The following ATP11C variants were observed in gnomAD, a reference collection of about 807,000 sequenced individuals.
The protein encoded by ATP11C is ATPase phospholipid transporting 11C (ATP11C blood group), also known as phospholipid-transporting ATPase IG.
Under a neutral mutation model 97.4 loss-of-function variants are expected in ATP11C, and 36 were observed. The observed-to-expected ratio is 0.37, with a 90% confidence interval of 0.28 to 0.49. The LOEUF (loss-of-function observed/expected upper bound fraction) is 0.49. Ranked by LOEUF, ATP11C falls within the 20% of genes least tolerant of loss-of-function variation. The pLI is 0.98. For synonymous variants in ATP11C, 275 were observed against 290.9 expected (o/e 0.95, Z 0.56); for missense variants, 730 against 824.6 (o/e 0.89, Z 1.40).
chrX:139,825,653 C>G (rs1173746300), intron 2 of ATP11C, among the ~76,000 whole-genome samples: 1 of 112,424 alleles, frequency 8.9e-6, no homozygotes, highest in African/African-American at 3.2e-5. Context: ...ATGATCACTA[C>G]TGTATCACCG....
chrX:139,833,170 G>A (rs1251610509), intron 1 of ATP11C, among the ~76,000 whole-genome samples: 2 of 111,982 alleles, frequency 1.8e-5, no homozygotes, highest in Non-Finnish European at 3.8e-5. Context: ...AATACAAGTT[G>A]GAGTGTGTCC....
At chrX:139,934,552 C>CTTTT (rs760781660), upstream of ATP11C, among the ~76,000 whole-genome samples, 2 of 93,717 alleles carry the variant, frequency 2.1e-5, no homozygotes, top group African/African-American at 4.0e-5. Context: ...CTAGCTTTAC[C>CTTTT]TTTTTTTTTT....
chrX:139,800,013 ACCCC>A, intron 8 of ATP11C, 43 bp downstream of exon 8: 3 of 397,110 alleles, frequency 7.6e-6, no homozygotes, highest in Non-Finnish European at 1.4e-5. Context: ...AGAAAAATAG[ACCCC>A]CCCCCCCAAC....
intron 14 of ATP11C, among the ~76,000 whole-genome samples, 172 bp from the exon 15 acceptor site, chrX:139,787,416 A>G (rs2082598198): frequency 9.1e-6 from 1 of 110,461 alleles, no homozygotes; most frequent in African/African-American, 3.3e-5. Context: ...TCCTGCCTCA[A>G]CCTCCTGAGT....
At chrX:139,765,166 C>A (rs769511421) in intron 20 of ATP11C, among the ~76,000 whole-genome samples, 2 of 111,073 alleles carry the variant, frequency 1.8e-5, no homozygotes, top group South Asian at 7.7e-4. Context: ...TAAACATGGA[C>A]TTTTTCACTC....
At chrX:139,902,246 T>A (rs765805704) in intron 1 of ATP11C, among the ~76,000 whole-genome samples, 15 of 111,520 alleles carry the variant, frequency 1.3e-4, no homozygotes, top group Admixed American at 8.6e-4. Context: ...TATTGATTGA[T>A]GTCTCAGGTC....
Position 139,787,231 on chromosome X carries a change from A to C in ATP11C, c.1534T>G (p.Phe512Val), listed in dbSNP as rs1160031262. The change falls in exon 15 of 30, where the codon TTT becomes GTT. Residue 512 changes from phenylalanine (F) to valine (V), a missense_variant. Transcript: ENST00000682941. ...VKGAKRYGFT[F>V]LGNRNGYMRV... is the part of the protein sequence containing the mutation. ...ATATATCCATTTCGATTTCCTAAAAATGTGAACCCGTACCTATCAAAAACA... is the reference window on the plus strand; with the variant it reads ...ATATATCCATTTCGATTTCCTAAAACTGTGAACCCGTACCTATCAAAAACA... 1.7e-6 allele frequency: 2 copies of C among 1,181,826 alleles called. No individual in the cohort carries two copies. Among genetic ancestry groups the C allele is most frequent in the African/African-American group, 3.5e-5 (2 of 56,641 alleles).
At chrX:139,743,073 C>G (rs1414960394) in intron 26 of ATP11C, among the ~76,000 whole-genome samples, 1 of 107,971 alleles carries the variant, frequency 9.3e-6, no homozygotes. Flanking sequence ...TCACTACTAC[C>G]AAGCTCTTTT....
intron 29 of ATP11C, among the ~76,000 whole-genome samples, chrX:139,730,902 G>A (rs1243983923): frequency 1.8e-5 from 2 of 111,244 alleles, no homozygotes; most frequent in Admixed American, 9.6e-5. Flanking sequence ...CTCCCACGGC[G>A]TATCAATTCC....
Position 139,832,281 on chromosome X carries a change from C to A in ATP11C, c.28-5458G>T, listed in dbSNP as rs1027587017. On this transcript the variant is annotated intron_variant, in intron 1 of 29. Coordinates refer to ENST00000682941, the MANE Select transcript of ATP11C (RefSeq NM_001353812.2). ...AGCAACTTGTACCAACCCCTGTGAT[C>A]CTTGTAAAGTTTCCCAGAACTTGGG... is the stretch of plus-strand genomic sequence containing the variant. 2.2e-5 allele frequency: 25 copies of A among 1,156,294 alleles called. No homozygotes were observed. The African/African-American group carries it at 4.0e-4, about 18-fold the overall frequency.
At chrX:139,740,687 G>T (rs757749776) in intron 27 of ATP11C, among the ~76,000 whole-genome samples, 1 of 111,171 alleles carries the variant, frequency 9.0e-6, no homozygotes, top group Non-Finnish European at 1.9e-5. Flanking sequence ...TGAAAATCAC[G>T]AGAGGTTGTG....
intron 18 of ATP11C, among the ~76,000 whole-genome samples, chrX:139,780,379 T>C (rs187688903): frequency 3.6e-5 from 4 of 111,343 alleles, no homozygotes; most frequent in Admixed American, 1.9e-4. Context: ...ATTCCTGGGA[T>C]GCAAGGACGG....
At chrX:139,756,173 AACAG>A (rs1169028014) in intron 23 of ATP11C, among the ~76,000 whole-genome samples, 8 of 112,429 alleles carry the variant, frequency 7.1e-5, no homozygotes, top group African/African-American at 2.6e-4. Flanking sequence ...AAAGGACACG[AACAG>A]ACACTTTTCA....
At chrX:139,730,563 T>C (rs1165001765) in intron 29 of ATP11C, among the ~76,000 whole-genome samples, 1 of 111,259 alleles carries the variant, frequency 9.0e-6, no homozygotes, top group African/African-American at 3.3e-5. Context: ...TCCATTAATT[T>C]AACTTGTATT....
Position 139,796,441 on chromosome X carries a change from T to C in ATP11C, c.1038A>G (p.Ser346=), listed in dbSNP as rs1401645950. 14 of 1,192,793 alleles carry C rather than the reference T, an allele frequency of 1.2e-5. No individual in the cohort carries two copies. The highest frequency in any genetic ancestry group is 1.6e-5 in the Non-Finnish European group (14 of 882,953). Residue 346 remains serine (S), a synonymous_variant, in exon 12 of 30, where the codon TCA becomes TCG. Coordinates refer to ENST00000682941, the MANE Select transcript of ATP11C (RefSeq NM_001353812.2). ...TGATAAAGTTGAATAGAACCATAAA[T>C]GATAGGAAGTCGGTGAACATTTTTA... ...KVLKMFTDFL[S]FMVLFNFIIP...
chrX:139,818,716 AAAATG>A (rs1435383910), intron 3 of ATP11C, among the ~76,000 whole-genome samples: 1 of 112,706 alleles, frequency 8.9e-6, no homozygotes, highest in East Asian at 2.8e-4. Context: ...CTTCATTTAA[AAAATG>A]AAATGAGAAA....
At chrX:139,782,814 CCAT>C in intron 17 of ATP11C, 86 bp from the exon 18 acceptor site, 1 of 683,379 alleles carries the variant, frequency 1.5e-6, no homozygotes, top group Non-Finnish European at 2.1e-6. Flanking sequence ...CTTGCTTTAG[CCAT>C]ATGGACAAGA....
chrX:139,788,040 T>C (rs773940311), intron 14 of ATP11C, 152 bp downstream of exon 14: 86 of 472,025 alleles, frequency 1.8e-4, no homozygotes, highest in Admixed American at 9.5e-4. Flanking sequence ...GTGGGAATTT[T>C]CCACAAATTT....
chrX:139,902,117 T>C (rs1253625227), intron 1 of ATP11C, among the ~76,000 whole-genome samples: 1 of 111,600 alleles, frequency 9.0e-6, no homozygotes, highest in Non-Finnish European at 1.9e-5. Context: ...ATTACTTCCT[T>C]TGGAAAGGAT....
Sources: allele counts gnomAD v4.1 joint callset (sites outside exome capture counted in the v4.1 genomes callset), GRCh38; gene constraint gnomAD v4.1.1; transcripts MANE v1.5; gene names NCBI Gene and HGNC (gene_info 2026-07-23, HGNC 2026-07-21).